Variants in TVP23A observed in about 807,000 individuals in gnomAD.
TVP23A encodes trans-golgi network vesicle protein 23 homolog A, also known as Golgi apparatus membrane protein TVP23 homolog A.
Under a neutral mutation model 31.7 loss-of-function variants are expected in TVP23A, and 21 were observed. That is an observed-to-expected ratio of 0.66 (90% CI 0.47 to 0.95). The LOEUF (loss-of-function observed/expected upper bound fraction) is 0.95. TVP23A is among the 40% of genes least tolerant of loss of function. The pLI is 0.00. For synonymous variants in TVP23A, 104 were observed against 96.0 expected (o/e 1.08, Z -0.49); for missense variants, 279 against 255.6 (o/e 1.09, Z -0.62).
In TVP23A at chr16:10,768,128, C is replaced by T; in HGVS notation, c.*974G>A. The T allele has an allele frequency of 1.8e-6, 2 of 1,140,728 alleles. No homozygotes were observed. Among genetic ancestry groups the T allele is most frequent in the Non-Finnish European group, 2.6e-6 (2 of 768,088 alleles). The allele number at this position is 1,140,728 out of a possible 1,614,324, so 70.7% of individuals were successfully genotyped here. A position where few individuals can be genotyped will look rare whatever the true frequency, so the allele number is the denominator to read the frequency against. ...TGGAAGGACAGGTGGGTGGTGGGGTCTGTGATGACCACAGAGTGGCCCCCA... is the reference window on the plus strand; with the variant it reads ...TGGAAGGACAGGTGGGTGGTGGGGTTTGTGATGACCACAGAGTGGCCCCCA... On this transcript the variant is annotated 3_prime_UTR_variant, in exon 8 of 8. Transcript: ENST00000299866. The surrounding 1 kb of genome is among the most constrained non-coding windows in gnomAD (Gnocchi z 4.3).
chr16:10,773,949 C>G (rs1484463900), intron 4 of TVP23A, 90 bp downstream of exon 4: 1 of 1,000,994 alleles, frequency 1.0e-6, no homozygotes, highest in Non-Finnish European at 1.5e-6. Context: ...AGGCAGGAAT[C>G]AGATATGCAC....
In TVP23A at chr16:10,772,461, C is replaced by G. The variant is rs898649856; in HGVS notation, c.454-663G>C. On this transcript the variant is annotated intron_variant, in intron 5 of 7. Coordinates refer to ENST00000299866, the MANE Select transcript of TVP23A (RefSeq NM_001079512.4). ...CTTGGCTCACTGCAACCTCCGCCTC[C>G]TGGGTTCAAGCGATTCTCCTGCCTC... is the stretch of plus-strand genomic sequence containing the variant. Among the ~76,000 whole-genome samples, 8 of 152,130 alleles carry G rather than the reference C, an allele frequency of 5.3e-5. No individual in the cohort carries two copies. The East Asian group carries it at 1.5e-3, about 29-fold the overall frequency.
At position 10,818,309 on chromosome 16, in the gene TVP23A, G is replaced by A; in HGVS notation, c.10-127C>T. Reference sequence around the variant, plus strand: ...GGTTCCCAAGTGGACCCTCCGAGCTGGCGGGGCCCCTCCGCTGCGGCTGCA... The same window carrying A: ...GGTTCCCAAGTGGACCCTCCGAGCTAGCGGGGCCCCTCCGCTGCGGCTGCA... On this transcript the variant is annotated intron_variant, in intron 1 of 7. Coordinates refer to ENST00000299866, the MANE Select transcript of TVP23A (RefSeq NM_001079512.4). This position sits in a 1 kb window ranked among gnomAD's most constrained non-coding sequence, Gnocchi z 4.7. The A allele has an allele frequency of 1.5e-6, 2 of 1,330,926 alleles. No homozygotes were observed. The highest frequency in any genetic ancestry group is 2.5e-5 in the East Asian group (1 of 39,736). The allele number at this position is 1,330,926 out of a possible 1,614,324, so 82.4% of individuals were successfully genotyped here.
chr16:10,770,414 C>A, intron 6 of TVP23A, 83 bp from the exon 7 acceptor site: 2 of 1,452,144 alleles, frequency 1.4e-6, no homozygotes, highest in South Asian at 2.6e-5. Flanking sequence ...AGAGAAAACC[C>A]ACAAAGTACA....
chr16:10,770,248 C>T (rs780955313), intron 7 of TVP23A, 24 bp downstream of exon 7: 131 of 1,550,262 alleles, frequency 8.5e-5, no homozygotes, highest in South Asian at 4.2e-4. Flanking sequence ...TTCCTCCACA[C>T]GGGTGCCATG....
In TVP23A at chr16:10,818,314, G is replaced by A. The variant is rs2034532893; in HGVS notation, c.10-132C>T. The stretch of plus-strand genomic sequence containing the variant: ...CCAAGTGGACCCTCCGAGCTGGCGG[G>A]GCCCCTCCGCTGCGGCTGCAGTGCA... On this transcript the variant is annotated intron_variant, in intron 1 of 7. Transcript: ENST00000299866. The surrounding 1 kb of genome is among the most constrained non-coding windows in gnomAD (Gnocchi z 4.7). 7.5e-7 allele frequency: 1 copy of A among 1,336,250 alleles called. No individual in the cohort carries two copies. The highest frequency in any genetic ancestry group is 2.5e-5 in the East Asian group (1 of 39,756). 82.8% of individuals were successfully genotyped at this position (1,336,250 alleles called of 1,614,324 possible).
At chr16:10,804,650 G>T (rs112340385) in intron 2 of TVP23A, among the ~76,000 whole-genome samples, 8 of 152,334 alleles carry the variant, frequency 5.3e-5, no homozygotes, top group Middle Eastern at 3.4e-3. Context: ...GGAGGCTGAG[G>T]GGGGAGGATC....
intron 2 of TVP23A, among the ~76,000 whole-genome samples, chr16:10,790,331 C>G (rs897428923): frequency 8.3e-5 from 11 of 132,042 alleles, no homozygotes; most frequent in Non-Finnish European, 7.6e-5. Flanking sequence ...GTCGCCCAGG[C>G]TGGAGTGCAG....
intron 5 of TVP23A, among the ~76,000 whole-genome samples, chr16:10,772,515 G>T (rs62026500): frequency 1.3e-5 from 2 of 152,070 alleles, no homozygotes; most frequent in Non-Finnish European, 2.9e-5. Flanking sequence ...GATTACAGGC[G>T]TGTGCCACTA....
chr16:10,797,816 G>A (rs2033472622), intron 2 of TVP23A, among the ~76,000 whole-genome samples: 1 of 152,076 alleles, frequency 6.6e-6, no homozygotes, highest in African/African-American at 2.4e-5. Context: ...TCGGGGGAAG[G>A]TGAAAAGCTG....
intron 2 of TVP23A, among the ~76,000 whole-genome samples, chr16:10,811,617 C>T (rs1407766739): frequency 6.6e-6 from 1 of 151,910 alleles, no homozygotes; most frequent in African/African-American, 2.4e-5. Flanking sequence ...CACACATACA[C>T]TGACACTAAA....
chr16:10,775,580 G>A, intron 2 of TVP23A: 12 of 985,972 alleles, frequency 1.2e-5, no homozygotes, highest in Non-Finnish European at 1.5e-5. Context: ...CCTGTGAATG[G>A]CAGGTCTAAC....
chr16:10,773,674 G>A (rs548501022), intron 4 of TVP23A, among the ~76,000 whole-genome samples: 5 of 152,246 alleles, frequency 3.3e-5, no homozygotes, highest in African/African-American at 9.6e-5. Flanking sequence ...GGGTTCAAGT[G>A]ATTCTCCTGC....
intron 2 of TVP23A, among the ~76,000 whole-genome samples, chr16:10,786,017 C>T (rs1249004130): frequency 6.6e-6 from 1 of 152,030 alleles, no homozygotes; most frequent in Non-Finnish European, 1.5e-5. Flanking sequence ...AGGGGTCTTC[C>T]AGGTCATAGG....
chr16:10,770,164 C>A, intron 7 of TVP23A, 108 bp downstream of exon 7: 2 of 1,401,456 alleles, frequency 1.4e-6, no homozygotes, highest in Admixed American at 2.3e-5. Context: ...CCTGGCCACC[C>A]CAGGGAACAG....
intron 2 of TVP23A, among the ~76,000 whole-genome samples, chr16:10,786,562 C>T (rs1386714855): frequency 6.6e-6 from 1 of 152,102 alleles, no homozygotes; most frequent in Non-Finnish European, 1.5e-5. Flanking sequence ...GGAAACCTTC[C>T]TGCTTCTCAG....
intron 2 of TVP23A, among the ~76,000 whole-genome samples, chr16:10,810,747 G>C (rs1220731844): frequency 2.0e-5 from 3 of 152,050 alleles, no homozygotes; most frequent in Non-Finnish European, 2.9e-5. Flanking sequence ...GGCCTTTGGA[G>C]TCAGACTAGG....
At chr16:10,788,533 C>T (rs958670776) in intron 2 of TVP23A, among the ~76,000 whole-genome samples, 7 of 152,066 alleles carry the variant, frequency 4.6e-5, no homozygotes, top group African/African-American at 1.4e-4. Context: ...GTAAGGTACC[C>T]GAAGTCCGGT....
At chr16:10,786,147 G>C (rs960593459) in intron 2 of TVP23A, among the ~76,000 whole-genome samples, 2 of 152,230 alleles carry the variant, frequency 1.3e-5, no homozygotes, top group African/African-American at 4.8e-5. Context: ...ATGGGAGGCA[G>C]GTTGGCCTTA....
Sources: allele counts gnomAD v4.1 joint callset (sites outside exome capture counted in the v4.1 genomes callset), GRCh38; gene constraint gnomAD v4.1.1; non-coding constraint Gnocchi (gnomAD v3.1); transcripts MANE v1.5; gene names NCBI Gene and HGNC (gene_info 2026-07-23, HGNC 2026-07-21).